RPS6KC1: variants seen among roughly 807,000 people sequenced by gnomAD.
RPS6KC1 encodes the protein ribosomal protein S6 kinase C1.
In RPS6KC1, 54 loss-of-function variants were observed where a neutral mutation model predicts 103.8. That is an observed-to-expected ratio of 0.52 (90% CI 0.42 to 0.65). The LOEUF is 0.65. Among genes scored for constraint, RPS6KC1 ranks in the 30% least tolerant of loss-of-function variants. RPS6KC1 has a pLI of 0.00. For synonymous variants in RPS6KC1, 439 were observed against 438.7 expected (o/e 1.00, Z -0.01); for missense variants, 1,151 against 1,253.8 (o/e 0.92, Z 1.24).
At chr1:213,189,238 C>A (rs1255647506) in intron 8 of RPS6KC1, among the ~76,000 whole-genome samples, 4 of 152,044 alleles carry the variant, frequency 2.6e-5, no homozygotes. Flanking sequence ...CACTTGAGGT[C>A]AGGAGTTCGA....
intron 12 of RPS6KC1, among the ~76,000 whole-genome samples, chr1:213,260,701 G>A (rs1444530418): frequency 1.4e-5 from 2 of 147,790 alleles, no homozygotes; most frequent in Non-Finnish European, 3.0e-5. Context: ...GCAAGGCTTC[G>A]GGACTAATTT....
At chr1:213,402,887 G>A in the RPS6KC1 span, among the ~76,000 whole-genome samples, 1 of 149,210 alleles carries the variant, frequency 6.7e-6, no homozygotes, top group Non-Finnish European at 1.5e-5. Context: ...GGCCGAGGCG[G>A]GCAGATCACA....
the RPS6KC1 span, among the ~76,000 whole-genome samples, chr1:213,444,644 C>A: frequency 1.3e-5 from 2 of 148,718 alleles, no homozygotes; most frequent in Admixed American, 1.4e-4. Context: ...GTAATTCCAG[C>A]TACTTGGGAG....
At chr1:213,213,114 C>T (rs1426820766) in intron 8 of RPS6KC1, among the ~76,000 whole-genome samples, 4 of 152,076 alleles carry the variant, frequency 2.6e-5, no homozygotes, top group Non-Finnish European at 5.9e-5. Flanking sequence ...GTGGGTTCTG[C>T]CTTTGATATT....
At chr1:213,150,699 T>C (rs554526689) in intron 6 of RPS6KC1, among the ~76,000 whole-genome samples, 1 of 152,136 alleles carries the variant, frequency 6.6e-6, no homozygotes, top group African/African-American at 2.4e-5. Flanking sequence ...ATGAAAAGTC[T>C]CCCATGTCTA....
At chr1:213,419,028 C>T in the RPS6KC1 span, among the ~76,000 whole-genome samples, 1 of 152,230 alleles carries the variant, frequency 6.6e-6, no homozygotes, top group Admixed American at 6.5e-5. Flanking sequence ...CCAACCCACG[C>T]ACATTCTCTG....
the RPS6KC1 span, among the ~76,000 whole-genome samples, chr1:213,358,040 A>G: frequency 1.3e-5 from 2 of 152,148 alleles, no homozygotes; most frequent in Admixed American, 1.3e-4. Context: ...GTTTGCCAGT[A>G]TTTTATTGAG....
intron 6 of RPS6KC1, among the ~76,000 whole-genome samples, chr1:213,158,413 C>G (rs1475791402): frequency 6.6e-6 from 1 of 152,204 alleles, no homozygotes; most frequent in African/African-American, 2.4e-5. Context: ...CTCAAAATAA[C>G]CATTTGACCT....
chr1:213,746,953 T>C, the RPS6KC1 span, among the ~76,000 whole-genome samples: 1 of 152,154 alleles, frequency 6.6e-6, no homozygotes, highest in Non-Finnish European at 1.5e-5. Flanking sequence ...AGTGGAGATG[T>C]TGAGTGTGCA....
At chr1:213,600,941 G>A in the RPS6KC1 span, among the ~76,000 whole-genome samples, 2 of 152,208 alleles carry the variant, frequency 1.3e-5, no homozygotes, top group Admixed American at 1.3e-4. Flanking sequence ...AAAGATTTGT[G>A]GCATCCCAGG....
chr1:213,118,280 C>G (rs2083929034), intron 5 of RPS6KC1, among the ~76,000 whole-genome samples: 1 of 151,074 alleles, frequency 6.6e-6, no homozygotes, highest in South Asian at 2.1e-4. Context: ...CTTTGGATTT[C>G]TGTAACTAGT....
chr1:213,728,220 A>G, the RPS6KC1 span, among the ~76,000 whole-genome samples: 1 of 152,022 alleles, frequency 6.6e-6, no homozygotes, highest in Non-Finnish European at 1.5e-5. Context: ...CGCAGAGACT[A>G]AGAGTCTGGG....
At chr1:213,153,202 ATGAGAGGGAGACCGTGGAAAGAGAG>A (rs1217566021) in intron 6 of RPS6KC1, among the ~76,000 whole-genome samples, 80 of 151,632 alleles carry the variant, frequency 5.3e-4, no homozygotes, top group African/African-American at 1.8e-3. Context: ...TCGGCTCAGC[ATGAGAGGGAGACCGTGGAAAGAGAG>A]GGAGAGGGAG....
the RPS6KC1 span, among the ~76,000 whole-genome samples, chr1:213,748,205 A>G: frequency 1.3e-5 from 2 of 152,156 alleles, no homozygotes; most frequent in African/African-American, 2.4e-5. Flanking sequence ...CCCCTACCTC[A>G]TCTCCCAGCC....
At chr1:213,535,587 ACAGGTAATCCC>A in the RPS6KC1 span, among the ~76,000 whole-genome samples, 228 of 152,236 alleles carry the variant, frequency 1.5e-3, no homozygotes, top group Middle Eastern at 3.4e-3. Context: ...TCTTAATAAA[ACAGGTAATCCC>A]CAGGGTATAT....
At chr1:213,064,752 A>T (rs553650276) in intron 1 of RPS6KC1, among the ~76,000 whole-genome samples, 31 of 138,104 alleles carry the variant, frequency 2.2e-4, no homozygotes, top group South Asian at 1.3e-3. Context: ...ATCTCGGCTC[A>T]CTGCAGGCTC....
chr1:213,592,696 C>T, the RPS6KC1 span, among the ~76,000 whole-genome samples: 1 of 152,180 alleles, frequency 6.6e-6, no homozygotes, highest in South Asian at 2.1e-4. Flanking sequence ...ATGAGAGTTA[C>T]ATGGGATTTT....
chr1:213,598,331 G>A, the RPS6KC1 span, among the ~76,000 whole-genome samples: 6 of 152,248 alleles, frequency 3.9e-5, no homozygotes, highest in East Asian at 7.7e-4. Flanking sequence ...GTGCAAAGTC[G>A]CTCAGCCCAT....
At chr1:213,742,071 G>T in the RPS6KC1 span, among the ~76,000 whole-genome samples, 1,130 of 152,266 alleles carry the variant, frequency 7.4e-3, 9 homozygotes, top group African/African-American at 9.3e-3. Flanking sequence ...TGGCCAGGAG[G>T]GGGTGGAGGA....
Sources: gnomAD v4.1 joint callset for allele counts (sites outside exome capture counted in the v4.1 genomes callset) on GRCh38, gnomAD v4.1.1 for gene constraint, MANE v1.5 for transcripts, NCBI Gene and HGNC (gene_info 2026-07-23, HGNC 2026-07-21) for gene names.